Variants in ZNF658 observed in about 807,000 individuals in gnomAD.
ZNF658 encodes the protein zinc finger protein 658.
Under a neutral mutation model 78.0 loss-of-function variants are expected in ZNF658, and 46 were observed. The ratio of observed to expected loss-of-function variants is 0.59; its 90% CI spans 0.47 to 0.75. ZNF658 has a LOEUF of 0.75. ZNF658 is among the 30% of genes least tolerant of loss of function. The pLI is 0.00. For synonymous variants in ZNF658, 279 were observed against 408.4 expected (o/e 0.68, Z 3.82); for missense variants, 785 against 1,189.3 (o/e 0.66, Z 5.00).
chr9:66,929,113 G>A (rs1403808829), intron 6 of ZNF658, among the ~76,000 whole-genome samples: 1 of 152,052 alleles, frequency 6.6e-6, no homozygotes, highest in Non-Finnish European at 1.5e-5. Context: ...TTTAAACTCA[G>A]TAAAAATGAA....
chr9:66,913,431 GA>G (rs56789827), intron 4 of ZNF658, among the ~76,000 whole-genome samples: 33,178 of 141,954 alleles, frequency 0.23, 4,810 homozygotes, highest in African/African-American at 0.44. Flanking sequence ...CAAAAGGAAG[GA>G]AAAAAAAAAA....
At chr9:66,928,986 T>C (rs1056030915) in intron 6 of ZNF658, among the ~76,000 whole-genome samples, 4 of 149,524 alleles carry the variant, frequency 2.7e-5, no homozygotes, top group African/African-American at 9.8e-5. Flanking sequence ...CTCTTAGGAA[T>C]GAGAAATTGG....
Position 66,918,226 on chromosome 9 carries a change from T to C in ZNF658, c.660T>C (p.Ser220=). Residue 220 remains serine (S), a synonymous_variant, in exon 5 of 5, where the codon TCT becomes TCC. Transcript: ENST00000621410. ...AGGAATCTTTTGAATGTGATGGATC[T>C]GGACAAGGTTTATATGATAAGACAA... ...TLEESFECDG[S]GQGLYDKTIC... is the part of the protein sequence containing the mutation. The C allele has an allele frequency of 2.5e-6, 4 of 1,605,912 alleles. No homozygotes were observed. The highest frequency in any genetic ancestry group is 3.4e-6 in the Non-Finnish European group (4 of 1,177,264).
rs1395553251 is a variant in ZNF658 at position 66,918,624 on chromosome 9, G to T, written c.1058G>T (p.Gly353Val). The change falls in exon 5 of 5, where the codon GGT becomes GTT. Residue 353 changes from glycine (G) to valine (V), a missense_variant. Transcript: ENST00000621410. ...AAAACACAAGCTGGAGATAAATTTG[G>T]TGAACATAATGAATGTACAGATGCC... is the stretch of plus-strand genomic sequence containing the variant. ...HQKTQAGDKF[G>V]EHNECTDALY... is the part of the protein sequence containing the mutation. 6.2e-7 allele frequency: 1 copy of T among 1,610,802 alleles called. No individual in the cohort carries two copies. The highest frequency in any genetic ancestry group is 2.2e-5 in the East Asian group (1 of 44,824).
rs1458825784 is a variant in ZNF658 at position 66,911,341 on chromosome 9, C to T, written c.238+2607C>T. 6.8e-3 allele frequency among the ~76,000 whole-genome samples: 511 copies of T among 75,286 alleles called. 7 individuals are homozygous for T. The highest frequency in any genetic ancestry group is 0.014 in the Middle Eastern group (3 of 208). 49.4% of individuals were successfully genotyped at this position (75,286 alleles called of 152,430 possible). A position where few individuals can be genotyped will look rare whatever the true frequency, so the allele number is the denominator to read the frequency against. On this transcript the variant is annotated intron_variant, in intron 4 of 4. Coordinates refer to ENST00000621410, the MANE Select transcript of ZNF658 (RefSeq NM_033160.7). ...AATTAATAATAAAATGAAAAAAATCCACTTGAAAAAATTTTAGTATCTCTT... is the reference window on the plus strand; with the variant it reads ...AATTAATAATAAAATGAAAAAAATCTACTTGAAAAAATTTTAGTATCTCTT...
chr9:66,924,001 AT>A (rs1309648583), downstream of ZNF658, among the ~76,000 whole-genome samples: 2 of 149,356 alleles, frequency 1.3e-5, no homozygotes, highest in Non-Finnish European at 3.0e-5. Flanking sequence ...ATACAAAAAA[AT>A]AAGCCAGGAA....
At chr9:66,929,321 C>A (rs1233587899) in intron 6 of ZNF658, among the ~76,000 whole-genome samples, 1 of 138,722 alleles carries the variant, frequency 7.2e-6, no homozygotes, top group Non-Finnish European at 1.5e-5. Context: ...TTATAACCCC[C>A]AGGTCTTACA....
rs142990728 is a variant in ZNF658, at chr9:66,920,365, G to A, written c.2799G>A (p.Thr933=). Residue 933 remains threonine, a synonymous_variant, in exon 5 of 5, where the codon ACG becomes ACA. Coordinates refer to ENST00000621410, the MANE Select transcript of ZNF658 (RefSeq NM_033160.7). ...SYVSAHQRVH[T]GEKPYECNVC... ...TTAGTGCACATCAGAGAGTTCATAC[G>A]GGGGAGAAACCCTACGAATGTAATG... 1.2e-4 allele frequency: 186 copies of A among 1,611,806 alleles called. 1 individual carries two copies. The highest frequency in any genetic ancestry group is 3.4e-4 in the Middle Eastern group (2 of 5,932).
At chr9:66,913,289 G>A (rs1319291912) in intron 4 of ZNF658, among the ~76,000 whole-genome samples, 1 of 151,980 alleles carries the variant, frequency 6.6e-6, no homozygotes, top group Non-Finnish European at 1.5e-5. Context: ...GCCAGGCGTG[G>A]TGGCAGGTGC....
Position 66,918,463 on chromosome 9 carries a change from T to C in ZNF658, c.897T>C (p.Cys299=). 3.1e-6 allele frequency: 5 copies of C among 1,609,416 alleles called. No homozygotes were observed. Among genetic ancestry groups the C allele is most frequent in the South Asian group, 1.1e-5 (1 of 90,902 alleles). Reference sequence around the variant, plus strand: ...ACATGGCTATGACACACTATGAGTGTAATGAAAGGGGGATTAATTTCAGTA... The same window carrying C: ...ACATGGCTATGACACACTATGAGTGCAATGAAAGGGGGATTAATTTCAGTA... ...KVHMAMTHYE[C]NERGINFSRK... The change falls in exon 5 of 5, where the codon TGT becomes TGC. Residue 299 remains cysteine, a synonymous_variant. Transcript: ENST00000621410.
chr9:66,919,721 T>C lies in ZNF658; in HGVS notation c.2155T>C (p.Cys719Arg), dbSNP rs1822456935. The C allele has an allele frequency of 6.2e-7, 1 of 1,613,108 alleles. No individual in the cohort carries two copies. Among genetic ancestry groups the C allele is most frequent in the East Asian group, 2.2e-5 (1 of 44,866 alleles). Residue 719 changes from cysteine to arginine, a missense_variant, in exon 5 of 5, where the codon TGT becomes CGT. Transcript: ENST00000621410. ...TGEKPYECNE[C>R]EKTFAHNSAL... Reference sequence around the variant, plus strand: ...GGAGAAACCCTATGAATGTAATGAATGTGAGAAAACATTTGCCCATAATTC... The same window carrying C: ...GGAGAAACCCTATGAATGTAATGAACGTGAGAAAACATTTGCCCATAATTC...
At position 66,919,857 on chromosome 9, in the gene ZNF658, A is replaced by C; in HGVS notation, c.2291A>C (p.His764Pro). The C allele has an allele frequency of 6.2e-7, 1 of 1,606,080 alleles. No homozygotes were observed. ...CGCCTCAGTACACATCGGAGAATTCACACAGGGGAGAAACCCTATGAATGT... is the reference window on the plus strand; with the variant it reads ...CGCCTCAGTACACATCGGAGAATTCCCACAGGGGAGAAACCCTATGAATGT... ...KTRLSTHRRI[H>P]TGEKPYECSK... is the part of the protein sequence containing the mutation. Residue 764 changes from histidine to proline, a missense_variant, in exon 5 of 5, where the codon CAC (histidine) becomes CCC (proline). By Grantham distance (77) the His-to-Pro change is moderately conservative (BLOSUM62 -2). Coordinates refer to ENST00000621410, the MANE Select transcript of ZNF658 (RefSeq NM_033160.7).
chr9:66,909,803 C>A (rs1822170875), intron 4 of ZNF658, among the ~76,000 whole-genome samples: 3 of 152,318 alleles, frequency 2.0e-5, no homozygotes, highest in African/African-American at 7.2e-5. Context: ...ATGTACATTT[C>A]TGTATTAGTC....
chr9:66,913,970 T>C (rs1241581177), intron 4 of ZNF658, among the ~76,000 whole-genome samples: 1 of 89,812 alleles, frequency 1.1e-5, no homozygotes, highest in East Asian at 3.0e-4. Flanking sequence ...CACATTAACT[T>C]GATTACTCTA....
At position 66,918,698 on chromosome 9, in the gene ZNF658, G is replaced by A. The variant is rs566267403; in HGVS notation, c.1132G>A (p.Asp378Asn). Residue 378 changes from aspartate (D) to asparagine (N), a missense_variant, in exon 5 of 5, where the codon GAT becomes AAT. Asp to Asn is a conservative substitution (Grantham distance 23, BLOSUM62 1). Around this residue, in one of 12 missense-constraint regions of ZNF658, gnomAD observed 393 missense variants for 400.2 expected, o/e 0.98. Coordinates refer to ENST00000621410, the MANE Select transcript of ZNF658 (RefSeq NM_033160.7). ...FTAHQRIHTE[D>N]KFYLSDEHGK... Reference sequence around the variant, plus strand: ...AGCACATCAGAGAATTCACACAGAAGATAAATTCTACCTTTCTGATGAACA... The same window carrying A: ...AGCACATCAGAGAATTCACACAGAAAATAAATTCTACCTTTCTGATGAACA... 4 of 1,613,894 alleles carry A rather than the reference G, an allele frequency of 2.5e-6. No homozygotes were observed. Among genetic ancestry groups the A allele is most frequent in the East Asian group, 2.2e-5 (1 of 44,874 alleles).
intron 2 of ZNF658, among the ~76,000 whole-genome samples, chr9:66,906,221 T>A (rs992690808): frequency 0.033 from 4,951 of 149,552 alleles, 164 homozygotes; most frequent in East Asian, 0.21. Context: ...TATAACCCCA[T>A]GTTAACCTTC....
chr9:66,920,358 T>C lies in ZNF658; in HGVS notation c.2792T>C (p.Val931Ala). Residue 931 changes from valine (V) to alanine (A), a missense_variant, in exon 5 of 5, where the codon GTT becomes GCT. Coordinates refer to ENST00000621410, the MANE Select transcript of ZNF658 (RefSeq NM_033160.7). The part of the protein sequence containing the change: ...EKSYVSAHQR[V>A]HTGEKPYECN... Reference sequence around the variant, plus strand: ...TCATATGTTAGTGCACATCAGAGAGTTCATACGGGGGAGAAACCCTACGAA... The same window carrying C: ...TCATATGTTAGTGCACATCAGAGAGCTCATACGGGGGAGAAACCCTACGAA... 3.1e-6 allele frequency: 5 copies of C among 1,613,148 alleles called. No individual in the cohort carries two copies. In the South Asian group the frequency reaches 4.4e-5, roughly 14 times the overall value.
At chr9:66,916,368 G>T (rs1822335930) in intron 4 of ZNF658, among the ~76,000 whole-genome samples, 2 of 151,686 alleles carry the variant, frequency 1.3e-5, no homozygotes, top group South Asian at 4.2e-4. Flanking sequence ...AGATAAATTT[G>T]TGTTTACTGA....
Position 66,918,325 on chromosome 9 carries a change from T to A in ZNF658, c.759T>A (p.Asp253Glu). The A allele has an allele frequency of 6.2e-7, 1 of 1,613,896 alleles. No individual in the cohort carries two copies. The highest frequency in any genetic ancestry group is 1.1e-5 in the South Asian group (1 of 91,072). The part of the protein sequence containing the change: ...CKDDEFRKNF[D>E]KITLFNHMRT... ...ATGATGAATTTAGAAAAAACTTTGA[T>A]AAAATCACTTTATTTAACCACATGA... Residue 253 changes from aspartate (D) to glutamate (E), a missense_variant, in exon 5 of 5, where the codon GAT (aspartate) becomes GAA (glutamate). By Grantham distance (45) the Asp-to-Glu change is conservative (BLOSUM62 2). Coordinates refer to ENST00000621410, the MANE Select transcript of ZNF658 (RefSeq NM_033160.7).
Sources: gnomAD v4.1 joint callset for allele counts (sites outside exome capture counted in the v4.1 genomes callset) on GRCh38, gnomAD v4.1.1 for gene constraint, gnomAD v4.1.1 regional missense constraint, MANE v1.5 for transcripts, NCBI Gene and HGNC (gene_info 2026-07-23, HGNC 2026-07-21) for gene names.